The following SAMD12 variants were observed in gnomAD, a reference collection of about 807,000 sequenced individuals.
The protein encoded by SAMD12 is sterile alpha motif domain containing 12, also known as sterile alpha motif domain-containing protein 12.
In SAMD12, 9 loss-of-function variants were observed where a neutral mutation model predicts 15.0. The observed-to-expected ratio is 0.60, with a 90% CI of 0.36 to 1.05. The LOEUF is 1.05. Ranked by LOEUF, SAMD12 falls within the 50% of genes least tolerant of loss-of-function variation. SAMD12 has a pLI of 0.01. For synonymous variants in SAMD12, 86 were observed against 90.1 expected (o/e 0.96, Z 0.25); for missense variants, 230 against 234.2 (o/e 0.98, Z 0.12).
chr8:118,412,419 G>T (rs541970966), intron 3 of SAMD12, among the ~76,000 whole-genome samples: 1 of 152,272 alleles, frequency 6.6e-6, no homozygotes, highest in East Asian at 1.9e-4. Flanking sequence ...GAGGAGCTAA[G>T]AATAACTTAT....
intron 2 of SAMD12, among the ~76,000 whole-genome samples, chr8:118,468,644 C>T (rs1040599782): frequency 2.0e-5 from 3 of 152,024 alleles, no homozygotes; most frequent in South Asian, 2.1e-4. Context: ...CACAGCTGTT[C>T]GAATGAGTTC....
At chr8:118,285,549 T>C (rs1027314993) in intron 4 of SAMD12, among the ~76,000 whole-genome samples, 1 of 152,186 alleles carries the variant, frequency 6.6e-6, no homozygotes, top group Admixed American at 6.5e-5. Context: ...ATCCCTTCAA[T>C]GAACGCCCAC....
the SAMD12 span, among the ~76,000 whole-genome samples, chr8:118,141,684 C>G: frequency 6.6e-6 from 1 of 152,218 alleles, no homozygotes; most frequent in Non-Finnish European, 1.5e-5. Context: ...ATTGTTAGTT[C>G]TGACTCAGTG....
chr8:118,200,858 C>T (rs535731509), intron 4 of SAMD12, among the ~76,000 whole-genome samples: 11 of 152,292 alleles, frequency 7.2e-5, no homozygotes, highest in African/African-American at 2.4e-4. Context: ...TAGCTCTCAT[C>T]GATCAGGCTG....
chr8:118,494,699 TAGTC>T (rs56889166), intron 2 of SAMD12, among the ~76,000 whole-genome samples: 36,491 of 151,958 alleles, frequency 0.24, 4,942 homozygotes, highest in East Asian at 0.35. Context: ...CTCAAGGAGT[TAGTC>T]AGTCCTTCTG....
At chr8:118,197,162 T>C (rs1483686393) in exon 5 of SAMD12, 1 of 152,934 alleles carries the variant, frequency 6.5e-6, no homozygotes, top group Non-Finnish European at 1.5e-5. Context: ...CTGATTCATC[T>C]TGGTGTAGTG....
chr8:118,181,701 A>C, the SAMD12 span, among the ~76,000 whole-genome samples: 1 of 152,182 alleles, frequency 6.6e-6, no homozygotes, highest in Non-Finnish European at 1.5e-5. Flanking sequence ...TTTCTCTATT[A>C]CATCATCCAA....
chr8:118,161,399 C>T, the SAMD12 span, among the ~76,000 whole-genome samples: 1 of 151,940 alleles, frequency 6.6e-6, no homozygotes, highest in East Asian at 1.9e-4. Context: ...GCCTGGGCAA[C>T]ATGGTGAGAC....
chr8:118,388,114 AG>A (rs1208704392), intron 3 of SAMD12, among the ~76,000 whole-genome samples: 1 of 152,246 alleles, frequency 6.6e-6, no homozygotes, highest in Non-Finnish European at 1.5e-5. Flanking sequence ...GATGGTTAGT[AG>A]GAAGAGCATT....
Position 118,580,799 on chromosome 8 carries a change from T to C in SAMD12, c.108A>G (p.Gln36=), listed in dbSNP as rs143890659. Residue 36 remains glutamine (Q), a synonymous_variant, in exon 2 of 4, where the codon CAA becomes CAG. Coordinates refer to ENST00000314727, the MANE Select transcript of SAMD12 (RefSeq NM_207506.3). The stretch of plus-strand genomic sequence containing the variant: ...TCTGGAAATTTTTATTTTTAATGGA[T>C]TGAGATTCCACACCTTCACCTTCAA... The part of the protein sequence containing the change: ...LQIEGEGVES[Q]SIKNKNFQKV... 257 of 1,613,044 alleles carry C rather than the reference T, an allele frequency of 1.6e-4. No individual in the cohort carries two copies. Among genetic ancestry groups the C allele is most frequent in the Non-Finnish European group, 2.0e-4 (238 of 1,179,166 alleles).
intron 4 of SAMD12, among the ~76,000 whole-genome samples, chr8:118,285,794 G>A (rs1454160094): frequency 6.6e-6 from 1 of 152,192 alleles, no homozygotes; most frequent in Non-Finnish European, 1.5e-5. Context: ...AGTATCTGGT[G>A]CATGATGGGT....
At chr8:118,478,615 A>G (rs1166297939) in intron 2 of SAMD12, among the ~76,000 whole-genome samples, 1 of 152,210 alleles carries the variant, frequency 6.6e-6, no homozygotes, top group Non-Finnish European at 1.5e-5. Context: ...AACTTAGCAA[A>G]CATCATACAG....
intron 2 of SAMD12, among the ~76,000 whole-genome samples, chr8:118,481,688 C>T (rs1464016394): frequency 6.6e-6 from 1 of 151,892 alleles, no homozygotes; most frequent in African/African-American, 2.4e-5. Context: ...ATCATAATCC[C>T]ATCCTTCAAT....
the SAMD12 span, among the ~76,000 whole-genome samples, chr8:118,152,623 T>C: frequency 6.6e-6 from 1 of 152,022 alleles, no homozygotes; most frequent in African/African-American, 2.4e-5. Flanking sequence ...CTCAGCCTCC[T>C]GAGTAGCTGG....
chr8:118,542,711 A>T (rs1477679180), intron 2 of SAMD12, among the ~76,000 whole-genome samples: 1 of 152,262 alleles, frequency 6.6e-6, no homozygotes, highest in Non-Finnish European at 1.5e-5. Flanking sequence ...CATTCAGGTA[A>T]TAAGCTGCCT....
At position 118,580,884 on chromosome 8, in the gene SAMD12, C is replaced by G. The variant is rs1256476255; in HGVS notation, c.23G>C (p.Cys8Ser). ...ATCAATACCCCGTGGATTCAAACCACAGTGGAGAGCTAGGAAAAAGCAACA... is the reference window on the plus strand; with the variant it reads ...ATCAATACCCCGTGGATTCAAACCAGAGTGGAGAGCTAGGAAAAAGCAACA... The part of the protein sequence containing the change: MAVEALH[C>S]GLNPRGIDHP... Residue 8 changes from cysteine (C) to serine (S), a missense_variant, in exon 2 of 4, where the codon TGT becomes TCT. Transcript: ENST00000314727. The G allele has an allele frequency of 2.5e-6, 4 of 1,606,956 alleles. No individual in the cohort carries two copies. Among genetic ancestry groups the G allele is most frequent in the Non-Finnish European group, 3.4e-6 (4 of 1,177,404 alleles).
intron 3 of SAMD12, among the ~76,000 whole-genome samples, chr8:118,425,582 T>C (rs942541385): frequency 6.6e-6 from 1 of 152,130 alleles, no homozygotes; most frequent in Non-Finnish European, 1.5e-5. Flanking sequence ...ACAGAATGGA[T>C]CATACTTAAT....
chr8:118,524,432 C>G lies in SAMD12; in HGVS notation c.192+56283G>C, dbSNP rs1350834162. On this transcript the variant is annotated intron_variant, in intron 2 of 3. Coordinates refer to ENST00000314727, the MANE Select transcript of SAMD12 (RefSeq NM_207506.3). ...TTCTCTGACTCCTTACTGTTTCTTT[C>G]TCACCTCCCTGATTTCTAAATATTG... Among the ~76,000 whole-genome samples, 4 of 152,266 alleles carry G rather than the reference C, an allele frequency of 2.6e-5. No homozygotes were observed. In the East Asian group the frequency reaches 7.7e-4, roughly 29 times the overall value.
intron 2 of SAMD12, among the ~76,000 whole-genome samples, chr8:118,464,114 T>C (rs1369259363): frequency 1.3e-5 from 2 of 152,194 alleles, no homozygotes; most frequent in African/African-American, 4.8e-5. Context: ...AATTATATAC[T>C]GTCCTTTACC....
Sources: gnomAD v4.1 joint callset for allele counts (sites outside exome capture counted in the v4.1 genomes callset) on GRCh38, gnomAD v4.1.1 for gene constraint, MANE v1.5 for transcripts, NCBI Gene and HGNC (gene_info 2026-07-23, HGNC 2026-07-21) for gene names.